CD3G: variants seen among roughly 807,000 people sequenced by gnomAD.
CD3G encodes T-cell surface glycoprotein CD3 gamma chain.
Under a neutral mutation model 28.3 loss-of-function variants are expected in CD3G, and 24 were observed. That is an observed-to-expected ratio of 0.85 (90% CI 0.61 to 1.19). The LOEUF (loss-of-function observed/expected upper bound fraction) is 1.19. CD3G is among the 50% of genes most tolerant of loss of function. The pLI is 0.00. For synonymous variants in CD3G, 71 were observed against 75.9 expected, an observed-to-expected ratio of 0.93 and a Z score of 0.34; for missense variants, 211 against 210.0, an observed-to-expected ratio of 1.00 and a Z score of -0.03.
intron 5 of CD3G, among the ~76,000 whole-genome samples, chr11:118,352,050 T>C (rs1948414527): frequency 6.6e-6 from 1 of 151,788 alleles, no homozygotes; most frequent in Non-Finnish European, 1.5e-5. Context: ...CTGTCTCTAC[T>C]AAAAATACAA....
intron 1 of CD3G, 109 bp downstream of exon 1, chr11:118,344,587 T>C: frequency 1.0e-6 from 1 of 967,640 alleles, no homozygotes; most frequent in East Asian, 2.6e-5. Context: ...ACCTCTGCTG[T>C]CACCTTAGAG....
chr11:118,352,284 C>T (rs1443286980), intron 5 of CD3G, 120 bp from the exon 6 acceptor site: 2 of 829,840 alleles, frequency 2.4e-6, no homozygotes, highest in Non-Finnish European at 4.2e-6. Context: ...CTCTTTCCAT[C>T]CTCAGGACCA....
intron 5 of CD3G, among the ~76,000 whole-genome samples, 187 bp from the exon 6 acceptor site, chr11:118,352,217 A>G (rs948160659): frequency 4.8e-5 from 7 of 145,150 alleles, no homozygotes; most frequent in African/African-American, 8.0e-5. Context: ...CTCCGTCTCA[A>G]AAAAAAAAAA....
At chr11:118,352,701 C>T (rs1023310663) in intron 6 of CD3G, among the ~76,000 whole-genome samples, 1 of 152,168 alleles carries the variant, frequency 6.6e-6, no homozygotes, top group Non-Finnish European at 1.5e-5. Flanking sequence ...ATCTGTAAAT[C>T]CTGTCAGAGC....
intron 6 of CD3G, among the ~76,000 whole-genome samples, 191 bp from the exon 7 acceptor site, chr11:118,352,928 G>A (rs1388239882): frequency 6.6e-6 from 1 of 152,176 alleles, no homozygotes; most frequent in Non-Finnish European, 1.5e-5. Flanking sequence ...ATTACCAAAT[G>A]TGTCCAAACA....
At chr11:118,348,389 T>A (rs1177811453) in intron 1 of CD3G, among the ~76,000 whole-genome samples, 3 of 144,608 alleles carry the variant, frequency 2.1e-5, no homozygotes, top group Non-Finnish European at 1.6e-5. Context: ...TATTAAAAAA[T>A]AAAATAAAAT....
At chr11:118,346,101 C>T (rs1565520419) in intron 1 of CD3G, among the ~76,000 whole-genome samples, 1 of 152,172 alleles carries the variant, frequency 6.6e-6, no homozygotes, top group African/African-American at 2.4e-5. Context: ...ACTTGAACAA[C>T]TCCTCCACTG....
chr11:118,352,275 T>C (rs1948416793), intron 5 of CD3G, 129 bp from the exon 6 acceptor site: 1 of 805,420 alleles, frequency 1.2e-6, no homozygotes, highest in South Asian at 1.3e-5. Context: ...CTCCTTGTCC[T>C]CTTTCCATCC....
chr11:118,351,581 T>A (rs756383541), intron 4 of CD3G, 47 bp from the exon 5 acceptor site: 8 of 1,597,152 alleles, frequency 5.0e-6, no homozygotes, highest in Non-Finnish European at 6.9e-6. Context: ...ATAACCCAAT[T>A]TATTATGCAT....
intron 2 of CD3G, chr11:118,349,461 C>T (rs1948385549): frequency 6.5e-6 from 4 of 618,048 alleles, no homozygotes; most frequent in Middle Eastern, 4.7e-4. Flanking sequence ...AAATAACATG[C>T]CCCAAAATCC....
chr11:118,350,872 G>C, intron 4 of CD3G, 189 bp downstream of exon 4: 1 of 795,640 alleles, frequency 1.3e-6, no homozygotes, highest in Non-Finnish European at 1.6e-6. Flanking sequence ...CCTGTCTCAA[G>C]ATACAGCTCC....
chr11:118,346,010 C>T (rs1426285193), intron 1 of CD3G, among the ~76,000 whole-genome samples: 1 of 152,190 alleles, frequency 6.6e-6, no homozygotes, highest in African/African-American at 2.4e-5. Context: ...GAGGTGGCTG[C>T]ATATCATGGA....
At chr11:118,346,823 CAAA>C (rs34736081) in intron 1 of CD3G, among the ~76,000 whole-genome samples, 1 of 106,638 alleles carries the variant, frequency 9.4e-6, no homozygotes. Flanking sequence ...AAAGATGTCT[CAAA>C]AAAAAAAAAA....
At position 118,353,679 on chromosome 11, in the gene CD3G, C is replaced by G. The variant is rs199674042; in HGVS notation, c.*579C>G. On this transcript the variant is annotated 3_prime_UTR_variant, in exon 7 of 7. Transcript: ENST00000532917. ...CCGGGCAGCTGGGATTACAGGCACACACTACCACACCTGGCTAATTTTTGT... is the reference window on the plus strand; with the variant it reads ...CCGGGCAGCTGGGATTACAGGCACAGACTACCACACCTGGCTAATTTTTGT... 6.6e-6 allele frequency: 1 copy of G among 151,858 alleles called. No homozygotes were observed. Among genetic ancestry groups the G allele is most frequent in the African/African-American group, 2.4e-5 (1 of 41,260 alleles). 9.4% of individuals were successfully genotyped at this position (151,858 alleles called of 1,614,324 possible).
Position 118,350,653 on chromosome 11 carries a change from G to T in CD3G, c.409G>T (p.Ala137Ser). The change falls in exon 4 of 7, where the codon GCT (alanine) becomes TCT (serine). Residue 137 changes from alanine to serine, a missense_variant. By Grantham distance (99) the Ala-to-Ser change is moderately conservative. Coordinates refer to ENST00000532917, the MANE Select transcript of CD3G (RefSeq NM_000073.3). ...FVLAVGVYFIAGQDGVRQSRA... is the reference protein window; with the variant it reads ...FVLAVGVYFISGQDGVRQSRA... ...CCTTGCTGTTGGGGTCTACTTCATT[G>T]CTGGACAGGATGGAGTTCGCCAGTC... The T allele has an allele frequency of 1.2e-6, 2 of 1,613,930 alleles. No individual in the cohort carries two copies. Among genetic ancestry groups the T allele is most frequent in the Non-Finnish European group, 1.7e-6 (2 of 1,179,966 alleles).
At position 118,353,103 on chromosome 11, in the gene CD3G, A is replaced by ATGT. The variant is rs1233684619; in HGVS notation, c.*19-15_*19-14insGTT. 1.3e-5 allele frequency: 2 copies of ATGT among 156,378 alleles called. No individual in the cohort carries two copies. Among genetic ancestry groups the ATGT allele is most frequent in the East Asian group, 3.8e-4 (2 of 5,324 alleles). The allele number at this position is 156,378 out of a possible 1,614,324, so 9.7% of individuals were successfully genotyped here. A position where few individuals can be genotyped will look rare whatever the true frequency, so the allele number is the denominator to read the frequency against. ...ATTTGTTTTTTTTGAACAAATTGCA[A>ATGT]TTTTTCTTTTTTCAGTCCAGGTGTT... On this transcript the variant is annotated splice_polypyrimidine_tract_variant and intron_variant, in intron 6 of 6. Coordinates refer to ENST00000532917, the MANE Select transcript of CD3G (RefSeq NM_000073.3).
intron 1 of CD3G, among the ~76,000 whole-genome samples, chr11:118,347,676 G>A (rs894814276): frequency 6.6e-6 from 1 of 152,130 alleles, no homozygotes; most frequent in Non-Finnish European, 1.5e-5. Flanking sequence ...CTAGGCTGGA[G>A]TGCAGTGGTG....
chr11:118,348,677 C>T (rs1435629241), intron 1 of CD3G, among the ~76,000 whole-genome samples: 1 of 152,192 alleles, frequency 6.6e-6, no homozygotes, highest in Non-Finnish European at 1.5e-5. Flanking sequence ...AATCCTCTTA[C>T]CATATGGTTG....
chr11:118,349,916 T>C lies in CD3G; in HGVS notation c.253T>C (p.Tyr85His), dbSNP rs780136472. 1 of 1,614,126 alleles carries C rather than the reference T, an allele frequency of 6.2e-7. No homozygotes were observed. Among genetic ancestry groups the C allele is most frequent in the Non-Finnish European group, 8.5e-7 (1 of 1,180,020 alleles). Residue 85 changes from tyrosine to histidine, a missense_variant, in exon 3 of 7, where the codon TAT becomes CAT. Coordinates refer to ENST00000532917, the MANE Select transcript of CD3G (RefSeq NM_000073.3). ...TAATGCCAAGGACCCTCGAGGGATG[T>C]ATCAGTGTAAAGGATCACAGAACAA... ...GSNAKDPRGM[Y>H]QCKGSQNKSK...
Sources: gnomAD v4.1 joint callset for allele counts (sites outside exome capture counted in the v4.1 genomes callset) on GRCh38, gnomAD v4.1.1 for gene constraint, MANE v1.5 for transcripts, NCBI Gene and HGNC (gene_info 2026-07-23, HGNC 2026-07-21) for gene names.